The following PTGER4 variants were observed in gnomAD, a reference collection of about 807,000 sequenced individuals.
The protein encoded by PTGER4 is prostaglandin E2 receptor EP4 subtype.
A neutral mutation model predicts 33.2 loss-of-function variants in PTGER4; 11 were observed. The ratio of observed to expected loss-of-function variants is 0.33; its 90% confidence interval spans 0.21 to 0.55. The LOEUF (loss-of-function observed/expected upper bound fraction) is 0.55, where lower values mean the gene tolerates loss of function less well. Ranked by LOEUF, PTGER4 falls within the 20% of genes least tolerant of loss-of-function variation. The pLI is 0.92. For missense variants in PTGER4, 481 were observed against 650.2 expected (o/e 0.74, Z 2.83); for synonymous variants, 275 against 281.5 (o/e 0.98, Z 0.23).
At chr5:40,742,221 T>C in the PTGER4 span, among the ~76,000 whole-genome samples, 10 of 152,166 alleles carry the variant, frequency 6.6e-5, no homozygotes, top group African/African-American at 2.4e-4. Flanking sequence ...TATTTTTGTA[T>C]CCGTTATTGG....
At chr5:40,701,541 G>A in the PTGER4 span, among the ~76,000 whole-genome samples, 1 of 152,102 alleles carries the variant, frequency 6.6e-6, no homozygotes, top group Non-Finnish European at 1.5e-5. Flanking sequence ...ATGCAAAGGG[G>A]CCAAATCTAT....
chr5:40,741,522 T>C, the PTGER4 span, among the ~76,000 whole-genome samples: 19 of 152,304 alleles, frequency 1.2e-4, no homozygotes, highest in East Asian at 9.6e-4. Context: ...CATAGACTTC[T>C]GGAGCTTTTT....
chr5:40,697,225 G>A (rs1292206998), downstream of PTGER4, among the ~76,000 whole-genome samples: 9 of 61,654 alleles, frequency 1.5e-4, no homozygotes, highest in African/African-American at 6.1e-4. Context: ...AAAGAAAGAA[G>A]AAAAGAAAGA....
intron 2 of PTGER4, among the ~76,000 whole-genome samples, chr5:40,690,478 C>T (rs1741440775): frequency 1.3e-5 from 2 of 152,202 alleles, no homozygotes; most frequent in African/African-American, 4.8e-5. Context: ...TTCATTCTTC[C>T]ATGACTTTGC....
At position 40,681,923 on chromosome 5, in the gene PTGER4, C is replaced by T; in HGVS notation, c.867+63C>T. The T allele has an allele frequency of 6.8e-7, 1 of 1,461,698 alleles. No homozygotes were observed. Among genetic ancestry groups the T allele is most frequent in the Non-Finnish European group, 9.0e-7 (1 of 1,106,892 alleles). 90.5% of individuals were successfully genotyped at this position (1,461,698 alleles called of 1,614,324 possible). ...CTCGCATCCACCTCCCGCGTCCATT[C>T]CCCGCTCCCTGCTTTCCCTCTGAGT... On this transcript the variant is annotated intron_variant, in intron 2 of 2. Coordinates refer to ENST00000302472, the MANE Select transcript of PTGER4 (RefSeq NM_000958.3). This position sits in a 1 kb window ranked among gnomAD's most constrained non-coding sequence, Gnocchi z 9.8.
the PTGER4 span, among the ~76,000 whole-genome samples, chr5:40,724,360 C>A: frequency 6.6e-6 from 1 of 152,124 alleles, no homozygotes; most frequent in Non-Finnish European, 1.5e-5. Flanking sequence ...TGAGGCAAGG[C>A]ACAGTGGCTC....
At chr5:40,735,642 C>T in the PTGER4 span, among the ~76,000 whole-genome samples, 1 of 152,112 alleles carries the variant, frequency 6.6e-6, no homozygotes, top group African/African-American at 2.4e-5. Flanking sequence ...TCCACAAACA[C>T]AGATGATTGT....
the PTGER4 span, among the ~76,000 whole-genome samples, chr5:40,743,372 GCA>G: frequency 6.6e-6 from 1 of 152,178 alleles, no homozygotes; most frequent in Non-Finnish European, 1.5e-5. Flanking sequence ...GTGAAAATAA[GCA>G]CAGTTTAAGA....
intron 2 of PTGER4, among the ~76,000 whole-genome samples, chr5:40,689,587 A>G (rs1173425712): frequency 1.3e-5 from 2 of 152,190 alleles, no homozygotes; most frequent in African/African-American, 2.4e-5. Context: ...CAAATGGTCA[A>G]TGAATCGCCT....
the PTGER4 span, among the ~76,000 whole-genome samples, chr5:40,718,700 C>T: frequency 2.6e-5 from 4 of 151,262 alleles, no homozygotes; most frequent in Non-Finnish European, 5.9e-5. Context: ...ATTGCACCAC[C>T]GCACTTCAGC....
the PTGER4 span, among the ~76,000 whole-genome samples, chr5:40,711,513 C>G: frequency 6.6e-6 from 1 of 152,052 alleles, no homozygotes; most frequent in African/African-American, 2.4e-5. Context: ...GGTCATAAGA[C>G]TCAGCAATTC....
chr5:40,709,611 A>C, the PTGER4 span, among the ~76,000 whole-genome samples: 1 of 152,228 alleles, frequency 6.6e-6, no homozygotes, highest in South Asian at 2.1e-4. Flanking sequence ...ATACTGCCCA[A>C]GGTAATTTAT....
chr5:40,720,899 C>T, the PTGER4 span, among the ~76,000 whole-genome samples: 4 of 152,122 alleles, frequency 2.6e-5, no homozygotes, highest in Admixed American at 6.5e-5. Context: ...CCAACTTCTA[C>T]GGTGGCTACA....
chr5:40,721,975 A>C, the PTGER4 span, among the ~76,000 whole-genome samples: 17 of 152,340 alleles, frequency 1.1e-4, no homozygotes, highest in South Asian at 2.1e-3. Context: ...AAAATGGGCT[A>C]AACACTTGAA....
Position 40,681,924 on chromosome 5 carries a change from C to T in PTGER4, c.867+64C>T. 2.1e-6 allele frequency: 3 copies of T among 1,461,288 alleles called. No homozygotes were observed. The highest frequency in any genetic ancestry group is 9.0e-7 in the Non-Finnish European group (1 of 1,106,638). 90.5% of individuals were successfully genotyped at this position (1,461,288 alleles called of 1,614,324 possible). ...TCGCATCCACCTCCCGCGTCCATTCCCCGCTCCCTGCTTTCCCTCTGAGTC... is the reference window on the plus strand; with the variant it reads ...TCGCATCCACCTCCCGCGTCCATTCTCCGCTCCCTGCTTTCCCTCTGAGTC... On this transcript the variant is annotated intron_variant, in intron 2 of 2. Transcript: ENST00000302472. This position sits in a 1 kb window ranked among gnomAD's most constrained non-coding sequence, Gnocchi z 9.8.
In PTGER4 at chr5:40,691,606, G is replaced by A. The variant is rs1323803050; in HGVS notation, c.868-173G>A. 6.6e-6 allele frequency among the ~76,000 whole-genome samples: 1 copy of A among 152,182 alleles called. No homozygotes were observed. Among genetic ancestry groups the A allele is most frequent in the African/African-American group, 2.4e-5 (1 of 41,440 alleles). ...GCTGGGATTACAGGCGTGAGCCACC[G>A]TGCCCAGCCCATGACTGGTTTTTCT... On this transcript the variant is annotated intron_variant, in intron 2 of 2. Transcript: ENST00000302472. The surrounding 1 kb of genome is among the most constrained non-coding windows in gnomAD (Gnocchi z 4.2).
At chr5:40,733,861 T>C in the PTGER4 span, among the ~76,000 whole-genome samples, 4 of 152,214 alleles carry the variant, frequency 2.6e-5, no homozygotes, top group Non-Finnish European at 5.9e-5. Flanking sequence ...AGTTTTTTCT[T>C]TTTATTAGGC....
the PTGER4 span, chr5:40,714,352 T>C: frequency 6.6e-6 from 1 of 152,264 alleles, no homozygotes; most frequent in Admixed American, 6.5e-5. Context: ...CTGGCATTAC[T>C]TCATGTGTGA....
chr5:40,740,155 TA>T, the PTGER4 span, among the ~76,000 whole-genome samples: 20 of 152,210 alleles, frequency 1.3e-4, no homozygotes, highest in Non-Finnish European at 7.4e-5. Context: ...TTGCTGTTGT[TA>T]TTTAATGTCA....
Sources: allele counts gnomAD v4.1 joint callset (sites outside exome capture counted in the v4.1 genomes callset), GRCh38; gene constraint gnomAD v4.1.1; non-coding constraint Gnocchi (gnomAD v3.1); transcripts MANE v1.5; gene names NCBI Gene and HGNC (gene_info 2026-07-23, HGNC 2026-07-21).